The following GALNT13 variants were observed in gnomAD, a reference collection of about 807,000 sequenced individuals.
GALNT13 encodes polypeptide N-acetylgalactosaminyltransferase 13, also known as UDP-GalNAc:polypeptide N-acetylgalactosaminyltransferase 13.
Under a neutral mutation model 64.2 loss-of-function variants are expected in GALNT13, and 28 were observed. The ratio of observed to expected loss-of-function variants is 0.44; its 90% confidence interval spans 0.32 to 0.60. The LOEUF is 0.60. Among genes scored for constraint, GALNT13 ranks in the 20% least tolerant of loss-of-function variants. GALNT13 has a pLI of 0.05. For missense variants in GALNT13, 577 were observed against 669.8 expected (o/e 0.86, Z 1.53); for synonymous variants, 214 against 224.6 (o/e 0.95, Z 0.42).
At chr2:153,600,867 C>T in the GALNT13 span, among the ~76,000 whole-genome samples, 2 of 151,948 alleles carry the variant, frequency 1.3e-5, no homozygotes, top group Non-Finnish European at 2.9e-5. Context: ...CTAAATATAG[C>T]TGTATCTAAC....
chr2:153,595,104 G>A, the GALNT13 span, among the ~76,000 whole-genome samples: 1 of 151,820 alleles, frequency 6.6e-6, no homozygotes, highest in Non-Finnish European at 1.5e-5. Flanking sequence ...TGGCATGGAG[G>A]GAGTGAAAAA....
intron 8 of GALNT13, among the ~76,000 whole-genome samples, chr2:154,299,886 C>T (rs1408233845): frequency 6.6e-6 from 1 of 151,810 alleles, no homozygotes; most frequent in African/African-American, 2.4e-5. Flanking sequence ...GCTAGCATTA[C>T]ACTGTTTAAA....
intron 8 of GALNT13, among the ~76,000 whole-genome samples, chr2:154,292,561 C>T (rs776062516): frequency 3.3e-5 from 5 of 152,070 alleles, no homozygotes; most frequent in African/African-American, 7.2e-5. Flanking sequence ...TTATCTGAGA[C>T]CCAAATCACA....
At chr2:154,235,479 G>A (rs1246044544) in intron 4 of GALNT13, among the ~76,000 whole-genome samples, 3 of 152,108 alleles carry the variant, frequency 2.0e-5, no homozygotes, top group Non-Finnish European at 2.9e-5. Flanking sequence ...ATGGGAGAAC[G>A]ATGAAATTTC....
At chr2:153,478,109 G>T in the GALNT13 span, 4 of 727,092 alleles carry the variant, frequency 5.5e-6, no homozygotes, top group South Asian at 1.9e-5. Context: ...CTTTCCGAAA[G>T]GCCGAAGTCG....
At chr2:154,152,303 G>A (rs181190039) in intron 4 of GALNT13, among the ~76,000 whole-genome samples, 24,768 of 151,978 alleles carry the variant, frequency 0.16, 3,710 homozygotes, top group East Asian at 0.74. Flanking sequence ...GAGATCCGCT[G>A]TTAGTCTGAT....
At chr2:154,091,923 GA>G (rs1337557074) in intron 3 of GALNT13, among the ~76,000 whole-genome samples, 3 of 151,660 alleles carry the variant, frequency 2.0e-5, no homozygotes, top group Non-Finnish European at 4.4e-5. Flanking sequence ...TTAAATTACA[GA>G]ACTGCTTTAA....
intron 9 of GALNT13, among the ~76,000 whole-genome samples, chr2:154,353,238 C>G (rs1017539102): frequency 1.4e-4 from 21 of 152,136 alleles, no homozygotes; most frequent in African/African-American, 4.8e-4. Flanking sequence ...ATTCATGGAA[C>G]CCCTGTATAG....
chr2:153,330,513 A>G, the GALNT13 span, among the ~76,000 whole-genome samples: 1 of 151,728 alleles, frequency 6.6e-6, no homozygotes, highest in African/African-American at 2.4e-5. Context: ...TAGATATTTT[A>G]TTTTTTGTGT....
At chr2:153,526,238 GC>G in the GALNT13 span, among the ~76,000 whole-genome samples, 6 of 152,262 alleles carry the variant, frequency 3.9e-5, no homozygotes, top group East Asian at 9.6e-4. Context: ...GTTATTGCAT[GC>G]CTTGGGCAAG....
the GALNT13 span, among the ~76,000 whole-genome samples, chr2:153,685,840 G>T: frequency 6.6e-6 from 1 of 151,510 alleles, no homozygotes; most frequent in South Asian, 2.1e-4. Flanking sequence ...AAGGTATAAG[G>T]AAGGGGACCG....
At chr2:154,026,040 G>C (rs768042621) in intron 3 of GALNT13, among the ~76,000 whole-genome samples, 1 of 152,148 alleles carries the variant, frequency 6.6e-6, no homozygotes, top group Admixed American at 6.6e-5. Context: ...TGTGCATGGT[G>C]TTGGGGGGAG....
the GALNT13 span, among the ~76,000 whole-genome samples, chr2:153,738,870 GT>G: frequency 2.6e-4 from 39 of 151,556 alleles, no homozygotes; most frequent in Non-Finnish European, 3.5e-4. Flanking sequence ...TTTTCCTTCA[GT>G]TTTTTTATTA....
At chr2:153,313,333 G>A in the GALNT13 span, among the ~76,000 whole-genome samples, 2 of 152,146 alleles carry the variant, frequency 1.3e-5, no homozygotes, top group South Asian at 2.1e-4. Context: ...TACAGAAAAT[G>A]TAGTACATAT....
the GALNT13 span, among the ~76,000 whole-genome samples, chr2:153,414,062 A>C: frequency 6.6e-6 from 1 of 152,164 alleles, no homozygotes; most frequent in Non-Finnish European, 1.5e-5. Context: ...AATTTTAAAC[A>C]ACCTTATTTC....
chr2:153,184,971 C>G, the GALNT13 span, among the ~76,000 whole-genome samples: 4 of 152,136 alleles, frequency 2.6e-5, no homozygotes, highest in Admixed American at 2.0e-4. Flanking sequence ...ATGATGCTAG[C>G]CTCATCAAAT....
the GALNT13 span, among the ~76,000 whole-genome samples, chr2:153,701,164 A>G: frequency 6.6e-6 from 1 of 152,216 alleles, no homozygotes; most frequent in Non-Finnish European, 1.5e-5. Context: ...CCAATGGAAC[A>G]GAACAGAGAC....
intron 3 of GALNT13, among the ~76,000 whole-genome samples, chr2:154,031,525 G>A (rs1443270518): frequency 6.6e-6 from 1 of 151,908 alleles, no homozygotes; most frequent in African/African-American, 2.4e-5. Context: ...CCCACTTAAT[G>A]TGTATGGATA....
At chr2:153,740,725 T>G in the GALNT13 span, among the ~76,000 whole-genome samples, 1 of 152,156 alleles carries the variant, frequency 6.6e-6, no homozygotes, top group Non-Finnish European at 1.5e-5. Flanking sequence ...TTCATTTAAC[T>G]CAAATTGCAA....
Sources: gnomAD v4.1 joint callset for allele counts (sites outside exome capture counted in the v4.1 genomes callset) on GRCh38, gnomAD v4.1.1 for gene constraint, MANE v1.5 for transcripts, NCBI Gene and HGNC (gene_info 2026-07-23, HGNC 2026-07-21) for gene names.